The following TNPO3 variants were observed in gnomAD, a reference collection of about 807,000 sequenced individuals.
The protein encoded by TNPO3 is transportin-3.
In TNPO3, 65 loss-of-function variants were observed where a neutral mutation model predicts 122.8. The ratio of observed to expected loss-of-function variants is 0.53; its 90% CI spans 0.43 to 0.65. The LOEUF (loss-of-function observed/expected upper bound fraction) is 0.65. TNPO3 is among the 30% of genes least tolerant of loss of function. The pLI, the probability that TNPO3 is intolerant of heterozygous loss-of-function variation, is 0.00. For missense variants in TNPO3, 850 were observed against 1,136.7 expected (o/e 0.75, Z 3.63); for synonymous variants, 372 against 411.2 (o/e 0.90, Z 1.15).
rs761242787 is a variant in TNPO3 at position 128,992,065 on chromosome 7, T to C, written c.1292A>G (p.Asn431Ser). The C allele has an allele frequency of 5.0e-6, 8 of 1,606,800 alleles. No homozygotes were observed. The highest frequency in any genetic ancestry group is 4.5e-5 in the East Asian group (2 of 44,304). The change falls in exon 10 of 23, where the codon AAC (asparagine) becomes AGC (serine). Residue 431 changes from asparagine to serine, a missense_variant. Physicochemically the swap from Asn to Ser is conservative, Grantham distance 46. Coordinates refer to ENST00000265388, the MANE Select transcript of TNPO3 (RefSeq NM_012470.4). ...CGCTTCTGTCACCTCCCAGGGTGGG[T>C]TGCCTTCTTTCAGAGTAGAATATAA... is the stretch of plus-strand genomic sequence containing the variant. The part of the protein sequence containing the change: ...AQLYSTLKEG[N>S]PPWEVTEAVL...
chr7:128,989,060 G>A (rs1473519153), intron 11 of TNPO3, among the ~76,000 whole-genome samples: 4 of 152,128 alleles, frequency 2.6e-5, no homozygotes, highest in Non-Finnish European at 5.9e-5. Context: ...CTGGGCAACA[G>A]AGCGAGACTC....
chr7:129,020,120 A>G (rs1237983281), intron 1 of TNPO3, among the ~76,000 whole-genome samples: 1 of 152,136 alleles, frequency 6.6e-6, no homozygotes, highest in Non-Finnish European at 1.5e-5. Flanking sequence ...CCTGTTTTTA[A>G]AAAAACCACC....
In TNPO3 at chr7:128,955,260, G is replaced by A. The variant is rs1005285521; in HGVS notation, c.*157C>T. The A allele has an allele frequency of 6.6e-6, 3 of 453,572 alleles. No individual in the cohort carries two copies. In the Admixed American group the frequency reaches 7.1e-5, roughly 11 times the overall value. 28.1% of individuals were successfully genotyped at this position (453,572 alleles called of 1,614,324 possible). ...CTCAGGATGGCCTCAGAAGGCTGGA[G>A]TCTCTCCCTGTCTGGCGGGACACCC... On this transcript the variant is annotated 3_prime_UTR_variant, in exon 23 of 23. Transcript: ENST00000265388.
chr7:128,957,259 C>G lies in TNPO3; in HGVS notation c.2768G>C (p.Arg923Pro). ...WALRDFTRLFR is the reference protein window; with the variant it reads ...WALRDFTRLFP ...GGCACAGTGCAGGAGTGTGAGCTAT[C>G]GAAACAACCTGGTGAAGTCTCGCAA... The change falls in exon 22 of 23, where the codon CGA becomes CCA. Residue 923 changes from arginine (R) to proline (P), a missense_variant. Transcript: ENST00000265388. 6.2e-7 allele frequency: 1 copy of G among 1,614,024 alleles called. No homozygotes were observed. The highest frequency in any genetic ancestry group is 8.5e-7 in the Non-Finnish European group (1 of 1,179,914).
In TNPO3 at chr7:128,974,913, TG is replaced by T; in HGVS notation, c.2227del (p.Gln743ArgfsTer7). ...GTCATCTACAGTGTCAGGGTGATTC[TG>T]GAGACCATTCTGCTGTTCTAGGAGC... Reference protein sequence around the residue: ...FQLLEQQNGLQNHPDTVDDLF... With the variant: ...FQLLEQQNGLXNHPDTVDDLF... On this transcript the variant is annotated frameshift_variant, in exon 18 of 23. Transcript: ENST00000265388. LOFTEE classifies it high-confidence loss of function. 6.2e-7 allele frequency: 1 copy of T among 1,614,262 alleles called. No individual in the cohort carries two copies. Among genetic ancestry groups the T allele is most frequent in the Non-Finnish European group, 8.5e-7 (1 of 1,180,052 alleles).
chr7:128,988,672 A>G (rs747150534), intron 11 of TNPO3, among the ~76,000 whole-genome samples: 1 of 152,192 alleles, frequency 6.6e-6, no homozygotes, highest in Non-Finnish European at 1.5e-5. Flanking sequence ...AAAACAAACA[A>G]ATCTACTATG....
chr7:129,021,700 A>C (rs1804540248), intron 1 of TNPO3, among the ~76,000 whole-genome samples: 1 of 152,208 alleles, frequency 6.6e-6, no homozygotes, highest in Non-Finnish European at 1.5e-5. Context: ...CGAGGAAAGA[A>C]GACCAGAAAA....
rs778768077 is a variant in TNPO3, at chr7:128,993,868, C to T, written c.1205G>A (p.Arg402Lys). 1.2e-6 allele frequency: 2 copies of T among 1,614,132 alleles called. No individual in the cohort carries two copies. The highest frequency in any genetic ancestry group is 1.7e-6 in the Non-Finnish European group (2 of 1,180,008). Residue 402 changes from arginine (R) to lysine (K), a missense_variant, in exon 9 of 23, where the codon AGG becomes AAG. By Grantham distance (26) the Arg-to-Lys change is conservative (BLOSUM62 2). Coordinates refer to ENST00000265388, the MANE Select transcript of TNPO3 (RefSeq NM_012470.4). ...ETDDFGEFRM[R>K]VSDLVKDLIF... ...CAAGTCCTTTACCAGGTCTGATACCCTCATGCGAAACTCCCCAAAGTCATC... is the reference window on the plus strand; with the variant it reads ...CAAGTCCTTTACCAGGTCTGATACCTTCATGCGAAACTCCCCAAAGTCATC...
chr7:128,955,169 GGGCA>G lies in TNPO3; in HGVS notation c.*244_*247del, dbSNP rs1796780619. 1.6e-5 allele frequency: 5 copies of G among 305,314 alleles called. No homozygotes were observed. The Admixed American group carries it at 2.4e-4, about 14-fold the overall frequency. 18.9% of individuals were successfully genotyped at this position (305,314 alleles called of 1,614,324 possible). A position where few individuals can be genotyped will look rare whatever the true frequency, so the allele number is the denominator to read the frequency against. On this transcript the variant is annotated 3_prime_UTR_variant, in exon 23 of 23. Transcript: ENST00000265388. ...AAACCAGCTCCCCTCCCACCACGCC[GGGCA>G]GGCCACAGCCATCTTTTTAAAATCC...
At chr7:129,021,833 A>C (rs948191477) in intron 1 of TNPO3, among the ~76,000 whole-genome samples, 2 of 152,228 alleles carry the variant, frequency 1.3e-5, no homozygotes, top group Non-Finnish European at 2.9e-5. Context: ...AATCTCAGGA[A>C]AAAAATCAGA....
chr7:129,031,926 A>G (rs1792088355), intron 1 of TNPO3, among the ~76,000 whole-genome samples: 1 of 152,122 alleles, frequency 6.6e-6, no homozygotes, highest in Non-Finnish European at 1.5e-5. Flanking sequence ...GCCTTAAGCA[A>G]TCCTCCTGCC....
chr7:128,999,341 C>T (rs191022506), intron 7 of TNPO3, among the ~76,000 whole-genome samples: 1 of 152,314 alleles, frequency 6.6e-6, no homozygotes, highest in Non-Finnish European at 1.5e-5. Context: ...CTCGTAGCCT[C>T]TTTTCCATAT....
rs529130934 is a variant in TNPO3 at position 128,967,940 on chromosome 7, G to A, written c.2599-548C>T. On this transcript the variant is annotated intron_variant, in intron 20 of 22. Transcript: ENST00000265388. Reference sequence around the variant, plus strand: ...AATTAAAAACAATTTTTTTTTTTAAGAGATGAGGAGTCTTTCTATGTTGCC... The same window carrying A: ...AATTAAAAACAATTTTTTTTTTTAAAAGATGAGGAGTCTTTCTATGTTGCC... 7.4e-4 allele frequency among the ~76,000 whole-genome samples: 112 copies of A among 151,958 alleles called. 1 individual carries two copies. The highest frequency in any genetic ancestry group is 1.2e-3 in the Non-Finnish European group (83 of 67,962).
At chr7:129,031,338 A>C (rs902803447) in intron 1 of TNPO3, among the ~76,000 whole-genome samples, 1 of 152,104 alleles carries the variant, frequency 6.6e-6, no homozygotes, top group African/African-American at 2.4e-5. Flanking sequence ...AGAGGATTTA[A>C]ATAACTAATC....
At chr7:129,011,591 C>T (rs113019585) in intron 4 of TNPO3, among the ~76,000 whole-genome samples, 13 of 152,138 alleles carry the variant, frequency 8.5e-5, no homozygotes, top group African/African-American at 3.1e-4. Context: ...ATCTGCCAGC[C>T]TTGGCCTCCC....
chr7:129,015,359 A>G (rs1256283522), intron 3 of TNPO3, among the ~76,000 whole-genome samples: 2 of 116,342 alleles, frequency 1.7e-5, no homozygotes, highest in African/African-American at 6.2e-5. Flanking sequence ...CATGATATCT[A>G]TATGTCCTAA....
rs549225574 is a variant in TNPO3, at chr7:129,046,016, A to T, written c.120+8635T>A. Among the ~76,000 whole-genome samples, 17 of 152,092 alleles carry T rather than the reference A, an allele frequency of 1.1e-4. No individual in the cohort carries two copies. The South Asian group carries it at 3.5e-3, about 32-fold the overall frequency. On this transcript the variant is annotated intron_variant, in intron 1 of 22. Transcript: ENST00000265388. ...AGATTGAGACCATTCTGGCTAACAC[A>T]GTGAAACCCCATCTCCACTAACAAT...
At position 129,046,969 on chromosome 7, in the gene TNPO3, G is replaced by A. The variant is rs1332196421; in HGVS notation, c.120+7682C>T. On this transcript the variant is annotated intron_variant, in intron 1 of 22. Coordinates refer to ENST00000265388, the MANE Select transcript of TNPO3 (RefSeq NM_012470.4). ...GGGGTATTATTACAAGGTGAGATGT[G>A]GGTGGGGACATAGCCAAACCATATC... 3.9e-5 allele frequency among the ~76,000 whole-genome samples: 6 copies of A among 152,316 alleles called. No individual in the cohort carries two copies. In the East Asian group the frequency reaches 1.2e-3, roughly 29 times the overall value.
chr7:129,013,657 C>G (rs916849027), intron 4 of TNPO3, among the ~76,000 whole-genome samples: 1 of 152,150 alleles, frequency 6.6e-6, no homozygotes, highest in East Asian at 1.9e-4. Context: ...TCAAGAAGAT[C>G]TCTACAATCC....
Sources: allele counts gnomAD v4.1 joint callset (sites outside exome capture counted in the v4.1 genomes callset), GRCh38; gene constraint gnomAD v4.1.1; transcripts MANE v1.5; gene names NCBI Gene and HGNC (gene_info 2026-07-23, HGNC 2026-07-21).